The following CFAP58 variants were observed in gnomAD, a reference collection of about 807,000 sequenced individuals.
The protein encoded by CFAP58 is cilia and flagella associated protein 58.
Under a neutral mutation model 119.5 loss-of-function variants are expected in CFAP58, and 88 were observed. That is an observed-to-expected ratio of 0.74 (90% CI 0.62 to 0.88). The LOEUF (loss-of-function observed/expected upper bound fraction) is 0.88, where lower values mean the gene tolerates loss of function less well. CFAP58 is among the 40% of genes least tolerant of loss of function. The probability of loss-of-function intolerance (pLI) is 0.00; values close to 1 mark genes in which losing one functional copy is unlikely to be tolerated. For synonymous variants in CFAP58, 365 were observed against 366.3 expected, an observed-to-expected ratio of 1.00 and a Z score of 0.04; for missense variants, 990 against 1,021.2, an observed-to-expected ratio of 0.97 and a Z score of 0.42.
intron 14 of CFAP58, among the ~76,000 whole-genome samples, chr10:104,405,055 GT>G (rs1383151046): frequency 6.6e-6 from 1 of 152,028 alleles, no homozygotes; most frequent in African/African-American, 2.4e-5. Context: ...GTAGATTCTT[GT>G]TTTCCATTTT....
chr10:104,423,525 G>C (rs112362816), intron 15 of CFAP58, among the ~76,000 whole-genome samples: 2,971 of 149,572 alleles, frequency 0.02, 50 homozygotes, highest in South Asian at 0.055. Flanking sequence ...CTTTTTATGA[G>C]AGTGGTGCTT....
At chr10:104,409,697 C>T (rs1466281294) in intron 15 of CFAP58, among the ~76,000 whole-genome samples, 3 of 152,018 alleles carry the variant, frequency 2.0e-5, no homozygotes, top group Non-Finnish European at 2.9e-5. Flanking sequence ...TTGCTCCTTT[C>T]GTATTATGTA....
intron 13 of CFAP58, among the ~76,000 whole-genome samples, chr10:104,402,314 GA>G (rs1420599668): frequency 6.6e-6 from 1 of 152,188 alleles, no homozygotes; most frequent in Non-Finnish European, 1.5e-5. Flanking sequence ...CTAGAAAATT[GA>G]AGTGTTAAAA....
intron 2 of CFAP58, 63 bp downstream of exon 2, chr10:104,358,685 G>A (rs56080663): frequency 0.032 from 46,635 of 1,443,262 alleles, 988 homozygotes; most frequent in South Asian, 0.088. Flanking sequence ...CATTATATTG[G>A]CACCTCTAGG....
intron 9 of CFAP58, among the ~76,000 whole-genome samples, chr10:104,390,761 A>G (rs2012023681): frequency 6.6e-6 from 1 of 152,220 alleles, no homozygotes; most frequent in Admixed American, 6.5e-5. Context: ...TAAATAAGGA[A>G]AATAAATGTA....
At chr10:104,341,086 C>CA in the CFAP58 span, among the ~76,000 whole-genome samples, 3 of 152,082 alleles carry the variant, frequency 2.0e-5, no homozygotes, top group Non-Finnish European at 2.9e-5. Context: ...AGAAAAAACA[C>CA]AAAAAACCTG....
Position 104,368,532 on chromosome 10 carries a change from A to G in CFAP58, c.902A>G (p.Glu301Gly). 1 of 1,614,010 alleles carries G rather than the reference A, an allele frequency of 6.2e-7. No individual in the cohort carries two copies. The highest frequency in any genetic ancestry group is 8.5e-7 in the Non-Finnish European group (1 of 1,179,902). ...HSLVCEQLSQ[E>G]NQQKALELKA... ...TTGGTCTGTGAGCAGCTATCCCAGG[A>G]AAACCAACAGAAGGCGTTGGAGCTC... The change falls in exon 6 of 18, where the codon GAA becomes GGA. Residue 301 changes from glutamate (E) to glycine (G), a missense_variant. Transcript: ENST00000369704.
At chr10:104,366,639 T>G (rs189298403) in intron 5 of CFAP58, among the ~76,000 whole-genome samples, 3 of 152,296 alleles carry the variant, frequency 2.0e-5, no homozygotes, top group Admixed American at 6.5e-5. Context: ...AAAATGAAAT[T>G]AAATTAAAAA....
In CFAP58 at chr10:104,364,922, T is replaced by A. The variant is rs1411710; in HGVS notation, c.597+33T>A. On this transcript the variant is annotated intron_variant, in intron 4 of 17. Coordinates refer to ENST00000369704, the MANE Select transcript of CFAP58 (RefSeq NM_001008723.2). ...ATGGAGGGCAAGAAGAAGGAATATT[T>A]CCTTCCAGAGGATGTTTGTCCCTCC... 2,883 of 1,599,512 alleles carry A rather than the reference T, an allele frequency of 1.8e-3. 53 individuals are homozygous for A. In the African/African-American group the frequency reaches 0.035, roughly 20 times the overall value.
the CFAP58 span, among the ~76,000 whole-genome samples, chr10:104,344,678 CT>C: frequency 4.6e-5 from 7 of 152,076 alleles, no homozygotes; most frequent in Non-Finnish European, 5.9e-5. Context: ...TTAGACTGGT[CT>C]CTGCTGTCCT....
intron 3 of CFAP58, among the ~76,000 whole-genome samples, chr10:104,363,023 C>G (rs576678918): frequency 6.6e-6 from 1 of 152,176 alleles, no homozygotes; most frequent in Non-Finnish European, 1.5e-5. Context: ...AACTTTTATG[C>G]CTTCTTTAAG....
At chr10:104,420,842 TC>T in intron 15 of CFAP58, among the ~76,000 whole-genome samples, 1 of 151,348 alleles carries the variant, frequency 6.6e-6, no homozygotes, top group Non-Finnish European at 1.5e-5. Flanking sequence ...AGCCTCAAGT[TC>T]CTGGGCTCAG....
intron 14 of CFAP58, among the ~76,000 whole-genome samples, chr10:104,405,059 T>G (rs2133048967): frequency 6.6e-6 from 1 of 152,352 alleles, no homozygotes; most frequent in African/African-American, 2.4e-5. Flanking sequence ...ATTCTTGTTT[T>G]CCATTTTTAT....
Position 104,365,853 on chromosome 10 carries a change from C to T in CFAP58, c.637C>T (p.Arg213Trp), listed in dbSNP as rs537704953. 42 of 1,612,708 alleles carry T rather than the reference C, an allele frequency of 2.6e-5. No homozygotes were observed. Among genetic ancestry groups the T allele is most frequent in the East Asian group, 2.2e-5 (1 of 44,772 alleles). ...CCAGCAACGTCAGAACGAAGCTTCCCGGGAGTTCCGGAAGAAGGAAAAACT... is the reference window on the plus strand; with the variant it reads ...CCAGCAACGTCAGAACGAAGCTTCCTGGGAGTTCCGGAAGAAGGAAAAACT... The part of the protein sequence containing the change: ...EIQQRQNEAS[R>W]EFRKKEKLEK... The change falls in exon 5 of 18, where the codon CGG (arginine) becomes TGG (tryptophan). Residue 213 changes from arginine to tryptophan, a missense_variant. Coordinates refer to ENST00000369704, the MANE Select transcript of CFAP58 (RefSeq NM_001008723.2).
chr10:104,445,331 A>C (rs986255411), intron 15 of CFAP58, among the ~76,000 whole-genome samples: 61 of 151,904 alleles, frequency 4.0e-4, no homozygotes, highest in East Asian at 1.4e-3. Context: ...TCAAAAAAAA[A>C]AAAAACAACA....
At chr10:104,416,354 A>G (rs1006139216) in intron 15 of CFAP58, among the ~76,000 whole-genome samples, 1 of 152,324 alleles carries the variant, frequency 6.6e-6, no homozygotes, top group South Asian at 2.1e-4. Flanking sequence ...AGGCCTAGGT[A>G]AGGGGCATAT....
At chr10:104,370,294 A>G (rs1235659081) in intron 6 of CFAP58, among the ~76,000 whole-genome samples, 1 of 152,190 alleles carries the variant, frequency 6.6e-6, no homozygotes, top group Non-Finnish European at 1.5e-5. Flanking sequence ...GTTCATTTTC[A>G]CGCTGCTGAT....
At chr10:104,343,992 C>T in the CFAP58 span, among the ~76,000 whole-genome samples, 4 of 152,358 alleles carry the variant, frequency 2.6e-5, no homozygotes, top group Non-Finnish European at 4.4e-5. Context: ...ATCCTCCTTC[C>T]TCGGCCTCCC....
At chr10:104,398,124 A>C (rs569915042) in intron 11 of CFAP58, among the ~76,000 whole-genome samples, 37 of 152,238 alleles carry the variant, frequency 2.4e-4, no homozygotes, top group Non-Finnish European at 4.8e-4. Flanking sequence ...CAGTGACCTG[A>C]CTGGTTCTTC....
Sources: gnomAD v4.1 joint callset for allele counts (sites outside exome capture counted in the v4.1 genomes callset) on GRCh38, gnomAD v4.1.1 for gene constraint, MANE v1.5 for transcripts, NCBI Gene and HGNC (gene_info 2026-07-23, HGNC 2026-07-21) for gene names.